The following PAPPA variants were observed in gnomAD, a reference collection of about 807,000 sequenced individuals.
The protein encoded by PAPPA is pappalysin-1.
In PAPPA, 60 loss-of-function variants were observed where a neutral mutation model predicts 164.0. The ratio of observed to expected loss-of-function variants is 0.37; its 90% CI spans 0.30 to 0.45. The LOEUF (loss-of-function observed/expected upper bound fraction) is 0.45, where lower values mean the gene tolerates loss of function less well. Ranked by LOEUF, PAPPA falls within the 20% of genes least tolerant of loss-of-function variation. The probability of loss-of-function intolerance (pLI) is 1.00; values close to 1 mark genes in which losing one functional copy is unlikely to be tolerated. For missense variants in PAPPA, 1,782 were observed against 2,087.3 expected (o/e 0.85, Z 2.85); for synonymous variants, 875 against 814.1 (o/e 1.07, Z -1.27).
At chr9:116,320,926 G>A (rs1197593299) in intron 10 of PAPPA, among the ~76,000 whole-genome samples, 2 of 152,176 alleles carry the variant, frequency 1.3e-5, no homozygotes, top group African/African-American at 4.8e-5. Flanking sequence ...TGCTCCGCAG[G>A]TAGTGGGAGA....
Position 116,211,929 on chromosome 9 carries a change from G to T in PAPPA, c.1915G>T (p.Ala639Ser). The change falls in exon 4 of 22, where the codon GCA (alanine) becomes TCA (serine). Residue 639 changes from alanine to serine, a missense_variant. Transcript: ENST00000328252. ...NTPYNNFMSY[A>S]DDDCTDSFTP... is the part of the protein sequence containing the mutation. ...TCCTTACAACAACTTCATGAGCTATGCAGGTAGGGCCCTACACTCTGTAGG... is the reference window on the plus strand; with the variant it reads ...TCCTTACAACAACTTCATGAGCTATTCAGGTAGGGCCCTACACTCTGTAGG... 10 of 1,613,778 alleles carry T rather than the reference G, an allele frequency of 6.2e-6. No individual in the cohort carries two copies. The highest frequency in any genetic ancestry group is 8.5e-6 in the Non-Finnish European group (10 of 1,179,792).
intron 7 of PAPPA, among the ~76,000 whole-genome samples, chr9:116,259,986 T>C (rs553427578): frequency 1.3e-5 from 2 of 152,312 alleles, no homozygotes; most frequent in South Asian, 4.1e-4. Context: ...TTTATGTTAG[T>C]GAAAATAAAT....
At chr9:116,277,068 A>G (rs1845208472) in intron 9 of PAPPA, among the ~76,000 whole-genome samples, 1 of 152,146 alleles carries the variant, frequency 6.6e-6, no homozygotes, top group South Asian at 2.1e-4. Flanking sequence ...GAAAAACAGC[A>G]TCTGCTGGAG....
In PAPPA at chr9:116,347,235, A is replaced by G; in HGVS notation, c.3964+26A>G. On this transcript the variant is annotated intron_variant, in intron 15 of 21. Transcript: ENST00000328252. The surrounding 1 kb of genome is among the most constrained non-coding windows in gnomAD (Gnocchi z 4.5). ...GTATCAAGAACGCCTTCCCCAGCTC[A>G]GCCTTCCTTTGTCTATGGGAAACCT... 6.3e-7 allele frequency: 1 copy of G among 1,580,666 alleles called. No homozygotes were observed. Among genetic ancestry groups the G allele is most frequent in the South Asian group, 1.2e-5 (1 of 85,302 alleles).
At position 116,400,314 on chromosome 9, in the gene PAPPA, T is replaced by G. The variant is rs555743784; in HGVS notation, c.*3698T>G. ...AAAGATTTCCCTAGAAGACATAGAG[T>G]GGGATTTGATAACACTGTCTGTTAT... On this transcript the variant is annotated 3_prime_UTR_variant, in exon 22 of 22. Transcript: ENST00000328252. 6.6e-6 allele frequency: 1 copy of G among 152,082 alleles called. No homozygotes were observed. The highest frequency in any genetic ancestry group is 2.1e-4 in the South Asian group (1 of 4,820). The allele number at this position is 152,082 out of a possible 1,614,324, so 9.4% of individuals were successfully genotyped here.
intron 2 of PAPPA, among the ~76,000 whole-genome samples, chr9:116,194,891 T>A (rs1193637720): frequency 6.6e-6 from 1 of 152,230 alleles, no homozygotes; most frequent in Non-Finnish European, 1.5e-5. Flanking sequence ...TGAGATTATT[T>A]TCGTTCTCAA....
At position 116,347,812 on chromosome 9, in the gene PAPPA, GA is replaced by G. The variant is rs1337482047; in HGVS notation, c.3964+608del. Among the ~76,000 whole-genome samples the G allele has an allele frequency of 1.3e-5, 2 of 152,128 alleles. No homozygotes were observed. Among genetic ancestry groups the G allele is most frequent in the African/African-American group, 2.4e-5 (1 of 41,410 alleles). Reference sequence around the variant, plus strand: ...AGCTAGGCACCAGGGCTATTGAGGGGAAAAAGACACTGGCATACCAGAGAAG... The same window carrying G: ...AGCTAGGCACCAGGGCTATTGAGGGGAAAAGACACTGGCATACCAGAGAAG... On this transcript the variant is annotated intron_variant, in intron 15 of 21. Coordinates refer to ENST00000328252, the MANE Select transcript of PAPPA (RefSeq NM_002581.5). The surrounding 1 kb of genome is among the most constrained non-coding windows in gnomAD (Gnocchi z 4.5).
intron 4 of PAPPA, among the ~76,000 whole-genome samples, chr9:116,213,284 G>T (rs1844331187): frequency 6.6e-6 from 1 of 152,170 alleles, no homozygotes; most frequent in Non-Finnish European, 1.5e-5. Flanking sequence ...ATCCCCAGTG[G>T]TTCTTTCTGC....
At chr9:116,163,375 T>C (rs1314140527) in intron 1 of PAPPA, among the ~76,000 whole-genome samples, 1 of 152,132 alleles carries the variant, frequency 6.6e-6, no homozygotes, top group East Asian at 1.9e-4. Context: ...AAGAGACCTA[T>C]GAGCAGGCCT....
At chr9:116,275,890 G>T (rs946912983) in intron 9 of PAPPA, among the ~76,000 whole-genome samples, 3 of 152,136 alleles carry the variant, frequency 2.0e-5, no homozygotes, top group African/African-American at 7.2e-5. Context: ...GTGTTATTAT[G>T]CAACACCCTG....
chr9:116,340,096 A>G (rs1018576023), intron 13 of PAPPA, among the ~76,000 whole-genome samples: 3 of 152,192 alleles, frequency 2.0e-5, no homozygotes, highest in Non-Finnish European at 2.9e-5. Flanking sequence ...CCATCCAATC[A>G]GCCACCTTTC....
In PAPPA at chr9:116,398,479, TAAAAA is replaced by T; in HGVS notation, c.*1876_*1880del. Reference sequence around the variant, plus strand: ...GGTGTTGTTAATCTATCATAGCACTTAAAAAAAAAAAAAAAAAGAGACCAAAAATA... The same window carrying T: ...GGTGTTGTTAATCTATCATAGCACTTAAAAAAAAAAAAGAGACCAAAAATA... On this transcript the variant is annotated 3_prime_UTR_variant, in exon 22 of 22. Coordinates refer to ENST00000328252, the MANE Select transcript of PAPPA (RefSeq NM_002581.5). 15 of 702,136 alleles carry T rather than the reference TAAAAA, an allele frequency of 2.1e-5. No individual in the cohort carries two copies. Among genetic ancestry groups the T allele is most frequent in the Admixed American group, 4.2e-5 (1 of 23,870 alleles). The allele number at this position is 702,136 out of a possible 1,614,324, so 43.5% of individuals were successfully genotyped here. A position where few individuals can be genotyped will look rare whatever the true frequency, so the allele number is the denominator to read the frequency against.
intron 21 of PAPPA, among the ~76,000 whole-genome samples, chr9:116,383,628 A>AAAAT (rs1357808358): frequency 1.3e-5 from 2 of 152,342 alleles, no homozygotes; most frequent in East Asian, 3.9e-4. Flanking sequence ...TCTCTGACCC[A>AAAAT]AAATACAGGA....
At chr9:116,298,822 A>C (rs1443337474) in intron 9 of PAPPA, among the ~76,000 whole-genome samples, 1 of 152,136 alleles carries the variant, frequency 6.6e-6, no homozygotes, top group Non-Finnish European at 1.5e-5. Flanking sequence ...TATTATTATC[A>C]ATGCTACCTA....
At chr9:116,186,206 A>ATG (rs3037575) in intron 1 of PAPPA, among the ~76,000 whole-genome samples, 10,012 of 145,144 alleles carry the variant, frequency 0.069, 843 homozygotes, top group African/African-American at 0.2. Context: ...CACTCATTAT[A>ATG]TGTGTGTGTG....
At chr9:116,382,534 C>G in intron 21 of PAPPA, 41 bp downstream of exon 21, 2 of 1,211,152 alleles carry the variant, frequency 1.7e-6, no homozygotes, top group Non-Finnish European at 2.5e-6. Flanking sequence ...CTCCTGCCCA[C>G]TTCTCCAGCT....
In PAPPA at chr9:116,256,551, T is replaced by C. The variant is rs186423424; in HGVS notation, c.2733-9306T>C. On this transcript the variant is annotated intron_variant, in intron 7 of 21. Coordinates refer to ENST00000328252, the MANE Select transcript of PAPPA (RefSeq NM_002581.5). Reference sequence around the variant, plus strand: ...GTGGGGACAATATTTACCAGGTAAATGCTAACTAAATAAATTAATATAGTT... The same window carrying C: ...GTGGGGACAATATTTACCAGGTAAACGCTAACTAAATAAATTAATATAGTT... 8.5e-5 allele frequency among the ~76,000 whole-genome samples: 13 copies of C among 152,080 alleles called. No individual in the cohort carries two copies. In the East Asian group the frequency reaches 2.5e-3, roughly 30 times the overall value.
chr9:116,366,926 G>A (rs1846508438), intron 18 of PAPPA, among the ~76,000 whole-genome samples: 1 of 152,162 alleles, frequency 6.6e-6, no homozygotes, highest in Non-Finnish European at 1.5e-5. Context: ...GGGAAAGGCA[G>A]GGATGAAACC....
At chr9:116,330,626 G>GGT (rs5900203) in intron 10 of PAPPA, among the ~76,000 whole-genome samples, 18 of 150,944 alleles carry the variant, frequency 1.2e-4, no homozygotes, top group South Asian at 2.1e-4. Context: ...TGTGTGTAGG[G>GGT]GTGTGTGTGT....
Sources: gnomAD v4.1 joint callset for allele counts (sites outside exome capture counted in the v4.1 genomes callset) on GRCh38, gnomAD v4.1.1 for gene constraint, Gnocchi (gnomAD v3.1) non-coding constraint, MANE v1.5 for transcripts, NCBI Gene and HGNC (gene_info 2026-07-23, HGNC 2026-07-21) for gene names.